DNAJC5: variants seen among roughly 807,000 people sequenced by gnomAD.
The protein encoded by DNAJC5 is DnaJ heat shock protein family (Hsp40) member C5, also known as dnaJ homolog subfamily C member 5.
A neutral mutation model predicts 23.2 loss-of-function variants in DNAJC5; 1 was observed. That is an observed-to-expected ratio of 0.04 (90% CI 0.02 to 0.20). The LOEUF (loss-of-function observed/expected upper bound fraction) is 0.20. DNAJC5 is among the 10% of genes least tolerant of loss of function. The probability of loss-of-function intolerance (pLI) is 1.00; values close to 1 mark genes in which losing one functional copy is unlikely to be tolerated. For missense variants in DNAJC5, 180 were observed against 267.0 expected, an observed-to-expected ratio of 0.67 and a Z score of 2.27; for synonymous variants, 136 against 120.0, an observed-to-expected ratio of 1.13 and a Z score of -0.87.
chr20:63,908,042 A>G (rs1042217364), intron 1 of DNAJC5, among the ~76,000 whole-genome samples: 1 of 152,244 alleles, frequency 6.6e-6, no homozygotes, highest in Non-Finnish European at 1.5e-5. Flanking sequence ...CTGGGATTAC[A>G]GGCGTGAGCC....
intron 1 of DNAJC5, among the ~76,000 whole-genome samples, chr20:63,910,136 C>T (rs932224424): frequency 6.6e-6 from 1 of 152,172 alleles, no homozygotes; most frequent in African/African-American, 2.4e-5. Flanking sequence ...TTGTTCTAGG[C>T]CCCCTTTGTA....
chr20:63,924,077 C>T (rs761967692), intron 1 of DNAJC5, among the ~76,000 whole-genome samples: 1 of 152,092 alleles, frequency 6.6e-6, no homozygotes, highest in Non-Finnish European at 1.5e-5. Context: ...GTCTTGATTA[C>T]TGTAGATATA....
intron 3 of DNAJC5, among the ~76,000 whole-genome samples, chr20:63,930,505 G>A (rs1443911624): frequency 2.0e-5 from 3 of 152,276 alleles, no homozygotes; most frequent in Middle Eastern, 3.4e-3. Context: ...CCGCCACCAC[G>A]TCCAGCTAAT....
intron 1 of DNAJC5, 150 bp downstream of exon 1, chr20:63,895,473 G>GAGCTGCTGCGACGCCGC (rs1160656694): frequency 6.8e-6 from 1 of 147,468 alleles, no homozygotes; most frequent in African/African-American, 2.4e-5. Context: ...CTCGGGGCCG[G>GAGCTGCTGCGACGCCGC]AGCTGCTGCG....
intron 1 of DNAJC5, among the ~76,000 whole-genome samples, chr20:63,914,184 C>T (rs1037303862): frequency 2.6e-5 from 4 of 152,202 alleles, no homozygotes; most frequent in South Asian, 2.1e-4. Flanking sequence ...AACTCAGAAC[C>T]GTGGAGGTGC....
At chr20:63,917,498 C>A (rs1185807911) in intron 1 of DNAJC5, among the ~76,000 whole-genome samples, 1 of 152,102 alleles carries the variant, frequency 6.6e-6, no homozygotes, top group African/African-American at 2.4e-5. Flanking sequence ...AGTGACATGC[C>A]CACCTTGGCC....
intron 1 of DNAJC5, among the ~76,000 whole-genome samples, chr20:63,901,381 C>T (rs182351256): frequency 7.2e-5 from 11 of 152,318 alleles, no homozygotes; most frequent in Admixed American, 2.6e-4. Flanking sequence ...CTCTAGAGCG[C>T]GGCTGACTTC....
At chr20:63,917,953 G>A (rs890100818) in intron 1 of DNAJC5, among the ~76,000 whole-genome samples, 27 of 152,234 alleles carry the variant, frequency 1.8e-4, no homozygotes, top group Middle Eastern at 3.4e-3. Flanking sequence ...TGTGACGGTC[G>A]CCCACTCCTC....
rs1230523494 is a variant in DNAJC5, at chr20:63,930,877, C to T, written c.348C>T (p.Leu116=). The T allele has an allele frequency of 1.2e-6, 2 of 1,613,642 alleles. No homozygotes were observed. The highest frequency in any genetic ancestry group is 1.7e-6 in the Non-Finnish European group (2 of 1,179,988). ...CCCTGTTTGTCTTCTGCGGCCTCCT[C>T]ACGTGCTGCTACTGCTGCTGCTGTC... ...AKALFVFCGL[L]TCCYCCCCLC... is the part of the protein sequence containing the mutation. The change falls in exon 4 of 5, where the codon CTC becomes CTT. Residue 116 remains leucine, a synonymous_variant. Coordinates refer to ENST00000360864, the MANE Select transcript of DNAJC5 (RefSeq NM_025219.3).
intron 3 of DNAJC5, 121 bp from the exon 4 acceptor site, chr20:63,930,730 G>A: frequency 1.4e-6 from 2 of 1,473,586 alleles, no homozygotes; most frequent in Admixed American, 3.4e-5. Context: ...CTTCCTGTCT[G>A]GAAGGCAGTA....
In DNAJC5 at chr20:63,930,961, G is replaced by A; in HGVS notation, c.432G>A (p.Glu144=). Residue 144 remains glutamate (E), a synonymous_variant, in exon 4 of 5, where the codon GAG becomes GAA. Coordinates refer to ENST00000360864, the MANE Select transcript of DNAJC5 (RefSeq NM_025219.3). ...GTAAGCCCAAGGCGCCTGAAGGCGAGGAGACGGAGTTCTACGTGTCCCCCG... is the reference window on the plus strand; with the variant it reads ...GTAAGCCCAAGGCGCCTGAAGGCGAAGAGACGGAGTTCTACGTGTCCCCCG... ...GKCKPKAPEG[E]ETEFYVSPED... 2 of 1,614,184 alleles carry A rather than the reference G, an allele frequency of 1.2e-6. No homozygotes were observed. The highest frequency in any genetic ancestry group is 1.7e-6 in the Non-Finnish European group (2 of 1,180,052).
chr20:63,922,235 G>C (rs2053579276), intron 1 of DNAJC5, among the ~76,000 whole-genome samples: 1 of 152,054 alleles, frequency 6.6e-6, no homozygotes, highest in Non-Finnish European at 1.5e-5. Flanking sequence ...GCCGAGGCAG[G>C]CGGGTCACCT....
At position 63,935,494 on chromosome 20, in the gene DNAJC5, T is replaced by G. The variant is rs1182854528; in HGVS notation, c.*3926T>G. The G allele has an allele frequency of 6.6e-6, 1 of 152,310 alleles. No individual in the cohort carries two copies. The highest frequency in any genetic ancestry group is 2.4e-5 in the African/African-American group (1 of 41,478). 9.4% of individuals were successfully genotyped at this position (152,310 alleles called of 1,614,324 possible). A position where few individuals can be genotyped will look rare whatever the true frequency, so the allele number is the denominator to read the frequency against. The stretch of plus-strand genomic sequence containing the variant: ...CATGCTCACCTGACCCAGGTGTGTG[T>G]CCCGGTGTGAAATCGAGGAGGGGAC... On this transcript the variant is annotated 3_prime_UTR_variant, in exon 5 of 5. Coordinates refer to ENST00000360864, the MANE Select transcript of DNAJC5 (RefSeq NM_025219.3).
In DNAJC5 at chr20:63,920,324, C is replaced by T. The variant is rs1175585274; in HGVS notation, c.-11-8011C>T. ...CCCGGCACTCTGTGCTCTGTGTCTGCCCGGGAACAGGTAGTCCTGCGTCGG... is the reference window on the plus strand; with the variant it reads ...CCCGGCACTCTGTGCTCTGTGTCTGTCCGGGAACAGGTAGTCCTGCGTCGG... On this transcript the variant is annotated intron_variant, in intron 1 of 4. Coordinates refer to ENST00000360864, the MANE Select transcript of DNAJC5 (RefSeq NM_025219.3). The surrounding 1 kb of genome is among the most constrained non-coding windows in gnomAD (Gnocchi z 4.6). Among the ~76,000 whole-genome samples the T allele has an allele frequency of 2.0e-5, 3 of 152,218 alleles. No individual in the cohort carries two copies. The highest frequency in any genetic ancestry group is 2.0e-4 in the Admixed American group (3 of 15,290).
Position 63,904,062 on chromosome 20 carries a change from C to T in DNAJC5, c.-12+8739C>T, listed in dbSNP as rs561817520. Among the ~76,000 whole-genome samples the T allele has an allele frequency of 8.5e-5, 13 of 152,178 alleles. 1 individual carries two copies. Among genetic ancestry groups the T allele is most frequent in the African/African-American group, 9.6e-5 (4 of 41,510 alleles). On this transcript the variant is annotated intron_variant, in intron 1 of 4. Coordinates refer to ENST00000360864, the MANE Select transcript of DNAJC5 (RefSeq NM_025219.3). The stretch of plus-strand genomic sequence containing the variant: ...CAGTGGGGGATGAAAAAGAATACCC[C>T]GTGTCCAAATAGCAAAACACTCTGA...
At chr20:63,924,665 A>G (rs983678486) in intron 1 of DNAJC5, among the ~76,000 whole-genome samples, 1 of 152,250 alleles carries the variant, frequency 6.6e-6, no homozygotes, top group Non-Finnish European at 1.5e-5. Context: ...CAGCCTGGAC[A>G]ACATGGCAAA....
intron 1 of DNAJC5, among the ~76,000 whole-genome samples, chr20:63,903,198 C>T (rs1477994319): frequency 5.9e-5 from 9 of 151,596 alleles, no homozygotes; most frequent in Non-Finnish European, 2.9e-5. Flanking sequence ...CCTTCCTGGG[C>T]TCGATCCTCC....
At chr20:63,912,456 C>T (rs982048145) in intron 1 of DNAJC5, among the ~76,000 whole-genome samples, 1 of 151,702 alleles carries the variant, frequency 6.6e-6, no homozygotes, top group African/African-American at 2.4e-5. Flanking sequence ...AATATCTATT[C>T]CAAATAAAAA....
At chr20:63,912,400 C>A (rs1166812432) in intron 1 of DNAJC5, among the ~76,000 whole-genome samples, 1 of 151,100 alleles carries the variant, frequency 6.6e-6, no homozygotes, top group Non-Finnish European at 1.5e-5. Flanking sequence ...TTTATAATTT[C>A]TTCAAATGTA....
Sources: gnomAD v4.1 joint callset for allele counts (sites outside exome capture counted in the v4.1 genomes callset) on GRCh38, gnomAD v4.1.1 for gene constraint, Gnocchi (gnomAD v3.1) non-coding constraint, MANE v1.5 for transcripts, NCBI Gene and HGNC (gene_info 2026-07-23, HGNC 2026-07-21) for gene names.